ENTREP2: variants seen among roughly 807,000 people sequenced by gnomAD.
ENTREP2 encodes the protein protein ENTREP2.
At chr15:29,247,177 A>G in the ENTREP2 span, among the ~76,000 whole-genome samples, 53 of 152,230 alleles carry the variant, frequency 3.5e-4, no homozygotes, top group Non-Finnish European at 7.1e-4. Flanking sequence ...TAGGTATCCT[A>G]AAGAAAAACA....
At chr15:29,141,196 G>C in the ENTREP2 span, among the ~76,000 whole-genome samples, 2 of 152,220 alleles carry the variant, frequency 1.3e-5, no homozygotes, top group Non-Finnish European at 2.9e-5. Flanking sequence ...CAGAGTCTGG[G>C]ATCTGAGGGA....
At chr15:29,523,561 A>ATTTTT in the ENTREP2 span, among the ~76,000 whole-genome samples, 409 of 78,492 alleles carry the variant, frequency 5.2e-3, 20 homozygotes, top group African/African-American at 0.02. Flanking sequence ...TCCCAGCTAG[A>ATTTTT]TTTTTTTTTT....
At chr15:29,340,555 T>C in the ENTREP2 span, among the ~76,000 whole-genome samples, 1 of 152,184 alleles carries the variant, frequency 6.6e-6, no homozygotes, top group Non-Finnish European at 1.5e-5. Context: ...GGTTAGACCC[T>C]ACACCAAAAA....
the ENTREP2 span, among the ~76,000 whole-genome samples, chr15:29,644,159 A>G: frequency 9.2e-5 from 14 of 152,338 alleles, no homozygotes; most frequent in South Asian, 2.7e-3. Context: ...TGGAAACAGC[A>G]TGCTAAGTGA....
chr15:29,220,704 G>C, the ENTREP2 span, among the ~76,000 whole-genome samples: 1 of 152,082 alleles, frequency 6.6e-6, no homozygotes, highest in Non-Finnish European at 1.5e-5. Context: ...TTTGGTGCAT[G>C]AACGTGTATA....
chr15:29,224,990 C>G, the ENTREP2 span, among the ~76,000 whole-genome samples: 3 of 152,326 alleles, frequency 2.0e-5, no homozygotes, highest in African/African-American at 7.2e-5. Flanking sequence ...GCTACTGGCC[C>G]ACATGCTAAG....
the ENTREP2 span, among the ~76,000 whole-genome samples, chr15:29,632,886 C>G: frequency 6.6e-6 from 1 of 152,280 alleles, no homozygotes; most frequent in East Asian, 1.9e-4. Context: ...TCCTGGAAGC[C>G]CAGTCTTGCA....
the ENTREP2 span, among the ~76,000 whole-genome samples, chr15:29,225,716 G>A: frequency 6.6e-6 from 1 of 152,176 alleles, no homozygotes; most frequent in Non-Finnish European, 1.5e-5. Flanking sequence ...CGGAACCGGG[G>A]GACACATGGC....
the ENTREP2 span, among the ~76,000 whole-genome samples, chr15:29,514,765 T>C: frequency 6.6e-6 from 1 of 152,168 alleles, no homozygotes. Flanking sequence ...TTTCTAAAGA[T>C]GGATTTCTTC....
chr15:29,233,651 T>C, the ENTREP2 span: 347,940 of 893,330 alleles, frequency 0.39, 72,409 homozygotes, highest in East Asian at 0.58. Flanking sequence ...TTATGCACTG[T>C]AATAAAGCTA....
the ENTREP2 span, chr15:29,452,678 G>C: frequency 6.6e-6 from 1 of 152,316 alleles, no homozygotes; most frequent in African/African-American, 2.4e-5. Context: ...GCTTCTGCAA[G>C]CATGCTGCCC....
At chr15:29,263,023 T>C in the ENTREP2 span, among the ~76,000 whole-genome samples, 1 of 152,156 alleles carries the variant, frequency 6.6e-6, no homozygotes, top group Non-Finnish European at 1.5e-5. Flanking sequence ...TTTGAGAGTT[T>C]TTTCTCTAAA....
At chr15:29,377,372 C>T in the ENTREP2 span, among the ~76,000 whole-genome samples, 1 of 152,036 alleles carries the variant, frequency 6.6e-6, no homozygotes, top group African/African-American at 2.4e-5. Flanking sequence ...TTACATACCA[C>T]CCACGGCATC....
chr15:29,185,251 C>T, the ENTREP2 span, among the ~76,000 whole-genome samples: 2 of 152,108 alleles, frequency 1.3e-5, no homozygotes, highest in East Asian at 1.9e-4. Flanking sequence ...TTATAGGATT[C>T]CCTGCTCAGC....
the ENTREP2 span, among the ~76,000 whole-genome samples, chr15:29,489,492 C>CT: frequency 8.4e-6 from 1 of 119,666 alleles, no homozygotes; most frequent in South Asian, 2.7e-4. Flanking sequence ...GCCACCTGAA[C>CT]TTTGATTCTG....
the ENTREP2 span, among the ~76,000 whole-genome samples, chr15:29,177,610 C>T: frequency 1.3e-5 from 2 of 152,188 alleles, no homozygotes; most frequent in African/African-American, 4.8e-5. Context: ...CCACGAAACT[C>T]AGTCTAGAGG....
the ENTREP2 span, among the ~76,000 whole-genome samples, chr15:29,545,912 A>C: frequency 6.6e-6 from 1 of 152,240 alleles, no homozygotes; most frequent in African/African-American, 2.4e-5. Flanking sequence ...TGCTTAGCTG[A>C]GAAGAAAACA....
the ENTREP2 span, among the ~76,000 whole-genome samples, chr15:29,207,410 G>T: frequency 7.7e-6 from 1 of 130,450 alleles, no homozygotes; most frequent in African/African-American, 2.8e-5. Flanking sequence ...CAAGAGAACA[G>T]ATCTTCCACC....
chr15:29,635,610 C>G, the ENTREP2 span, among the ~76,000 whole-genome samples: 2 of 152,164 alleles, frequency 1.3e-5, no homozygotes, highest in Non-Finnish European at 1.5e-5. Flanking sequence ...GGTGCAGCCA[C>G]AGCACACCTA....
Sources: gnomAD v4.1 joint callset for allele counts (sites outside exome capture counted in the v4.1 genomes callset) on GRCh38, gnomAD v4.1.1 for gene constraint, MANE v1.5 for transcripts, NCBI Gene and HGNC (gene_info 2026-07-23, HGNC 2026-07-21) for gene names.